Variants in CACNA2D3 observed in about 807,000 individuals in gnomAD.
The protein encoded by CACNA2D3 is voltage-dependent calcium channel subunit alpha-2/delta-3.
In CACNA2D3, 60 loss-of-function variants were observed where a neutral mutation model predicts 160.6. That is an observed-to-expected ratio of 0.37 (90% CI 0.30 to 0.46). The LOEUF (loss-of-function observed/expected upper bound fraction) is 0.46, where lower values mean the gene tolerates loss of function less well. Among genes scored for constraint, CACNA2D3 ranks in the 20% least tolerant of loss-of-function variants. The pLI is 1.00. For synonymous variants in CACNA2D3, 558 were observed against 492.9 expected, an observed-to-expected ratio of 1.13 and a Z score of -1.75; for missense variants, 1,205 against 1,365.0, an observed-to-expected ratio of 0.88 and a Z score of 1.85.
At chr3:54,369,662 G>A (rs1215060807) in intron 3 of CACNA2D3, among the ~76,000 whole-genome samples, 1 of 152,154 alleles carries the variant, frequency 6.6e-6, no homozygotes, top group East Asian at 1.9e-4. Flanking sequence ...CCAAGGGCGT[G>A]TCGGCCTTTC....
intron 9 of CACNA2D3, among the ~76,000 whole-genome samples, chr3:54,622,667 A>G (rs1435013570): frequency 1.3e-5 from 2 of 152,086 alleles, no homozygotes; most frequent in Non-Finnish European, 1.5e-5. Context: ...GGCATTAAAC[A>G]TAACAATTTC....
At chr3:54,375,188 A>G (rs1371897394) in intron 3 of CACNA2D3, among the ~76,000 whole-genome samples, 1 of 152,040 alleles carries the variant, frequency 6.6e-6, no homozygotes, top group Non-Finnish European at 1.5e-5. Flanking sequence ...GGTATGTAGG[A>G]TTCCTTGCTT....
At chr3:54,319,516 G>A (rs143268176) in intron 2 of CACNA2D3, among the ~76,000 whole-genome samples, 2 of 152,136 alleles carry the variant, frequency 1.3e-5, no homozygotes, top group African/African-American at 2.4e-5. Context: ...CCAAATAAAT[G>A]TGATGGATTC....
chr3:54,193,419 G>A (rs1701017385), intron 2 of CACNA2D3, among the ~76,000 whole-genome samples: 1 of 152,176 alleles, frequency 6.6e-6, no homozygotes, highest in Admixed American at 6.5e-5. Context: ...ATTAGCTAGA[G>A]CTTCTCCTCT....
chr3:55,027,117 A>T lies in CACNA2D3; in HGVS notation c.2987+8800A>T, dbSNP rs73845253. 8.7e-3 allele frequency among the ~76,000 whole-genome samples: 1,324 copies of T among 152,312 alleles called. 23 individuals are homozygous for T. Among genetic ancestry groups the T allele is most frequent in the African/African-American group, 0.031 (1,275 of 41,566 alleles). ...CACTGGGGTAGCTAGTTGGATGAGA[A>T]ATCAATTTAAGACTACTTTTATTCC... On this transcript the variant is annotated intron_variant, in intron 35 of 37. Coordinates refer to ENST00000474759, the MANE Select transcript of CACNA2D3 (RefSeq NM_018398.3).
intron 31 of CACNA2D3, among the ~76,000 whole-genome samples, chr3:54,992,858 C>T (rs1349307621): frequency 6.6e-6 from 1 of 151,996 alleles, no homozygotes; most frequent in African/African-American, 2.4e-5. Context: ...ACTCACAGTT[C>T]CACAGGCTGT....
intron 35 of CACNA2D3, among the ~76,000 whole-genome samples, chr3:55,028,445 C>T (rs1432473246): frequency 3.3e-5 from 5 of 152,154 alleles, no homozygotes; most frequent in African/African-American, 1.2e-4. Context: ...ATTCAAACAG[C>T]AATCGAAAAC....
At chr3:54,956,498 A>T (rs1701896709) in intron 27 of CACNA2D3, among the ~76,000 whole-genome samples, 1 of 152,206 alleles carries the variant, frequency 6.6e-6, no homozygotes, top group South Asian at 2.1e-4. Flanking sequence ...ACATGGTCTT[A>T]ACGTTCTCAG....
At chr3:54,927,922 C>T (rs4245920) in intron 27 of CACNA2D3, 1,124,118 of 1,611,868 alleles carry the variant, frequency 0.7, 394,945 homozygotes, top group East Asian at 0.86. Flanking sequence ...GACTGAGTCT[C>T]CTTGGGCGTC....
At chr3:54,866,148 C>A (rs528158772) in intron 17 of CACNA2D3, among the ~76,000 whole-genome samples, 1 of 151,956 alleles carries the variant, frequency 6.6e-6, no homozygotes, top group Non-Finnish European at 1.5e-5. Flanking sequence ...TTGCCCAGGC[C>A]TGGCACAGAG....
At chr3:54,485,365 G>A (rs1459762068) in intron 4 of CACNA2D3, among the ~76,000 whole-genome samples, 2 of 152,050 alleles carry the variant, frequency 1.3e-5, no homozygotes, top group African/African-American at 4.8e-5. Flanking sequence ...TCTAGTTATT[G>A]GACACTAAAG....
chr3:54,958,882 T>C (rs754895424), intron 27 of CACNA2D3, among the ~76,000 whole-genome samples: 8 of 152,046 alleles, frequency 5.3e-5, no homozygotes, highest in Non-Finnish European at 8.8e-5. Context: ...GGCAGGAGGA[T>C]TGCTTGAACC....
intron 5 of CACNA2D3, among the ~76,000 whole-genome samples, chr3:54,555,409 G>A (rs1575343164): frequency 6.6e-6 from 1 of 152,124 alleles, no homozygotes; most frequent in East Asian, 1.9e-4. Context: ...GTATGCAAGG[G>A]TGTATAGGAG....
intron 35 of CACNA2D3, among the ~76,000 whole-genome samples, chr3:55,054,907 G>C (rs1441957792): frequency 6.6e-6 from 1 of 151,950 alleles, no homozygotes; most frequent in Non-Finnish European, 1.5e-5. Context: ...GGCTTCAGAA[G>C]GTGATTTTGT....
At chr3:54,481,207 G>T (rs75135045) in intron 4 of CACNA2D3, among the ~76,000 whole-genome samples, 8 of 152,152 alleles carry the variant, frequency 5.3e-5, no homozygotes, top group Non-Finnish European at 1.0e-4. Context: ...AAGGACATTT[G>T]TTGAGAAGCC....
chr3:54,920,423 C>G (rs1221717244), intron 27 of CACNA2D3, among the ~76,000 whole-genome samples: 1 of 152,146 alleles, frequency 6.6e-6, no homozygotes, highest in Non-Finnish European at 1.5e-5. Flanking sequence ...ACCAGAGTGT[C>G]TTGGGTTCCT....
intron 31 of CACNA2D3, among the ~76,000 whole-genome samples, chr3:54,990,304 G>T (rs1317991602): frequency 6.6e-6 from 1 of 152,210 alleles, no homozygotes; most frequent in African/African-American, 2.4e-5. Context: ...GCAGAGATGG[G>T]TGGGTCACTT....
rs1397989999 is a variant in CACNA2D3, at chr3:54,629,171, G to A, written c.1053+1295G>A. Reference sequence around the variant, plus strand: ...CATCTTGAGGTGTCAAGCAGGAGCTGGGAGACCAGCAGAGACTCCCAAGGC... The same window carrying A: ...CATCTTGAGGTGTCAAGCAGGAGCTAGGAGACCAGCAGAGACTCCCAAGGC... On this transcript the variant is annotated intron_variant, in intron 10 of 37. Transcript: ENST00000474759. Among the ~76,000 whole-genome samples, 4 of 151,982 alleles carry A rather than the reference G, an allele frequency of 2.6e-5. No homozygotes were observed. In the East Asian group the frequency reaches 7.7e-4, roughly 29 times the overall value.
chr3:54,493,891 G>A (rs1701155799), intron 4 of CACNA2D3, among the ~76,000 whole-genome samples: 1 of 152,184 alleles, frequency 6.6e-6, no homozygotes. Flanking sequence ...AGACTCTGAA[G>A]CCCAAAATAT....
Sources: gnomAD v4.1 joint callset for allele counts (sites outside exome capture counted in the v4.1 genomes callset) on GRCh38, gnomAD v4.1.1 for gene constraint, MANE v1.5 for transcripts, NCBI Gene and HGNC (gene_info 2026-07-23, HGNC 2026-07-21) for gene names.